The following MAD1L1 variants were observed in gnomAD, a reference collection of about 807,000 sequenced individuals.
The protein encoded by MAD1L1 is mitotic spindle assembly checkpoint protein MAD1.
Under a neutral mutation model 96.9 loss-of-function variants are expected in MAD1L1, and 95 were observed. The observed-to-expected ratio is 0.98, with a 90% confidence interval of 0.83 to 1.16. The LOEUF (loss-of-function observed/expected upper bound fraction) is 1.16, where lower values mean the gene tolerates loss of function less well. MAD1L1 is among the 50% of genes most tolerant of loss of function. The probability of loss-of-function intolerance (pLI) is 0.00; values close to 1 mark genes in which losing one functional copy is unlikely to be tolerated. For missense variants in MAD1L1, 1,007 were observed against 954.4 expected, an observed-to-expected ratio of 1.06 and a Z score of -0.73; for synonymous variants, 473 against 396.6, an observed-to-expected ratio of 1.19 and a Z score of -2.29.
chr7:1,951,309 G>A (rs1425436490), intron 16 of MAD1L1, among the ~76,000 whole-genome samples: 4 of 152,236 alleles, frequency 2.6e-5, no homozygotes. Context: ...GAAGGCAGGA[G>A]TGACCGAAGG....
At chr7:2,208,852 A>T (rs1369711124) in intron 10 of MAD1L1, among the ~76,000 whole-genome samples, 1 of 151,986 alleles carries the variant, frequency 6.6e-6, no homozygotes. Flanking sequence ...CCTCACCCGT[A>T]AGTCACTCCC....
chr7:2,100,505 C>G (rs144985883), intron 11 of MAD1L1, among the ~76,000 whole-genome samples: 105 of 152,380 alleles, frequency 6.9e-4, no homozygotes, highest in Non-Finnish European at 1.3e-3. Flanking sequence ...CCTGCCCACC[C>G]GGCGCGTCTG....
In MAD1L1 at chr7:2,216,170, TCTC is replaced by T; in HGVS notation, c.793_795del (p.Glu265del). On this transcript the variant is annotated inframe_deletion, in exon 8 of 19. Transcript: ENST00000265854. ...GCAACCCCTCACCGCAGGTGCGCGC[TCTC>T]CTCCCGCAGCTGCTTCAGCTCCCGT... The T allele has an allele frequency of 6.2e-7, 1 of 1,613,084 alleles. No homozygotes were observed. The highest frequency in any genetic ancestry group is 8.5e-7 in the Non-Finnish European group (1 of 1,179,900).
chr7:2,232,859 C>CCGGGCCGCTTACCTCAGCCGCTCG lies in MAD1L1; in HGVS notation c.-201_-190+12dup, dbSNP rs1435888667. ...CCCGGGACCCCGCCGCCCGCGCGAG[C>CCGGGCCGCTTACCTCAGCCGCTCG]CGGGCCGCTTACCTCAGCCGCTCGC... On this transcript the variant is annotated intron_variant, in intron 1 of 18. Coordinates refer to ENST00000265854, the MANE Select transcript of MAD1L1 (RefSeq NM_001013836.2). The CCGGGCCGCTTACCTCAGCCGCTCG allele has an allele frequency of 6.6e-6, 1 of 152,304 alleles. No individual in the cohort carries two copies. The highest frequency in any genetic ancestry group is 2.4e-5 in the African/African-American group (1 of 41,450). 9.4% of individuals were successfully genotyped at this position (152,304 alleles called of 1,614,324 possible).
chr7:2,195,892 C>A (rs1405387468), intron 10 of MAD1L1, among the ~76,000 whole-genome samples: 1 of 152,250 alleles, frequency 6.6e-6, no homozygotes, highest in Non-Finnish European at 1.5e-5. Flanking sequence ...GAAAAAGAAG[C>A]TATCAGCTGA....
intron 18 of MAD1L1, among the ~76,000 whole-genome samples, chr7:1,861,078 C>T (rs1045606655): frequency 1.2e-4 from 18 of 152,258 alleles, no homozygotes; most frequent in South Asian, 2.1e-4. Context: ...AGTCCCAGCA[C>T]GCAAGCCCAG....
At chr7:2,130,469 G>A (rs577037570) in intron 11 of MAD1L1, among the ~76,000 whole-genome samples, 67 of 152,210 alleles carry the variant, frequency 4.4e-4, no homozygotes, top group South Asian at 1.2e-3. Flanking sequence ...CGTCGTCTGC[G>A]GCAGGTCTGG....
In MAD1L1 at chr7:2,223,451, C is replaced by T. The variant is rs1416231506; in HGVS notation, c.292-697G>A. The T allele has an allele frequency of 5.9e-5, 9 of 152,408 alleles. 1 individual carries two copies. Among genetic ancestry groups the T allele is most frequent in the Middle Eastern group, 6.7e-3 (2 of 298 alleles). 9.4% of individuals were successfully genotyped at this position (152,408 alleles called of 1,614,324 possible). ...GTACCGGCGTCCCAGGAGGTGAAGG[C>T]GGTGAGTCCTGGTGGAGCCCGGCAC... On this transcript the variant is annotated intron_variant, in intron 4 of 18. Coordinates refer to ENST00000265854, the MANE Select transcript of MAD1L1 (RefSeq NM_001013836.2).
rs78283235 is a variant in MAD1L1, at chr7:2,120,414, C to T, written c.1073+28738G>A. On this transcript the variant is annotated intron_variant, in intron 11 of 18. Coordinates refer to ENST00000265854, the MANE Select transcript of MAD1L1 (RefSeq NM_001013836.2). ...CCTTCTGAGAAAGCCTAGGACTGGC[C>T]GCCACACCCTGGAGAGCCTGGGGGC... is the stretch of plus-strand genomic sequence containing the variant. Among the ~76,000 whole-genome samples the T allele has an allele frequency of 8.7e-4, 132 of 152,358 alleles. 2 individuals carry two copies. In the East Asian group the frequency reaches 0.014, roughly 16 times the overall value.
At chr7:1,961,442 CAATTTTTGAAA>C (rs1302402788) in intron 15 of MAD1L1, among the ~76,000 whole-genome samples, 1 of 152,134 alleles carries the variant, frequency 6.6e-6, no homozygotes, top group Non-Finnish European at 1.5e-5. Flanking sequence ...CAAACACAAC[CAATTTTTGAAA>C]AATATATGAA....
chr7:2,014,256 C>T (rs1322736819), intron 13 of MAD1L1, among the ~76,000 whole-genome samples: 6 of 152,146 alleles, frequency 3.9e-5, no homozygotes, highest in Non-Finnish European at 7.4e-5. Context: ...CTCTGTCATC[C>T]GCTTGCAGGC....
At chr7:1,986,890 GC>G (rs1348734854) in intron 14 of MAD1L1, among the ~76,000 whole-genome samples, 2 of 151,900 alleles carry the variant, frequency 1.3e-5, no homozygotes, top group African/African-American at 4.8e-5. Context: ...GCCAATGCCT[GC>G]CCCCTTGAGC....
At chr7:2,160,233 C>CAAAA (rs528993860) in intron 10 of MAD1L1, among the ~76,000 whole-genome samples, 5 of 109,402 alleles carry the variant, frequency 4.6e-5, no homozygotes, top group Non-Finnish European at 7.7e-5. Flanking sequence ...TACCCTGTCT[C>CAAAA]AAAAAAAAAA....
intron 18 of MAD1L1, among the ~76,000 whole-genome samples, chr7:1,897,880 C>G (rs1376342908): frequency 1.3e-5 from 2 of 152,250 alleles, no homozygotes; most frequent in Non-Finnish European, 2.9e-5. Context: ...TCTGGACACA[C>G]TGACACACAC....
intron 11 of MAD1L1, among the ~76,000 whole-genome samples, chr7:2,070,493 C>T (rs1467515406): frequency 1.3e-5 from 2 of 152,178 alleles, no homozygotes; most frequent in Non-Finnish European, 2.9e-5. Flanking sequence ...TACGAGAGCT[C>T]TCCCAGGAAA....
intron 11 of MAD1L1, among the ~76,000 whole-genome samples, chr7:2,094,805 C>T (rs891198008): frequency 2.6e-5 from 4 of 152,052 alleles, no homozygotes; most frequent in African/African-American, 9.7e-5. Flanking sequence ...AGAGACCAAA[C>T]ACGGCAAAAG....
chr7:2,082,476 C>T (rs903841765), intron 11 of MAD1L1, among the ~76,000 whole-genome samples: 3 of 152,218 alleles, frequency 2.0e-5, no homozygotes, highest in Non-Finnish European at 4.4e-5. Flanking sequence ...GCCGTGACTT[C>T]AGCACCATGT....
intron 17 of MAD1L1, among the ~76,000 whole-genome samples, chr7:1,920,704 CAGG>C (rs1788734329): frequency 6.6e-6 from 1 of 152,176 alleles, no homozygotes; most frequent in South Asian, 2.1e-4. Flanking sequence ...GAAGAGAGGA[CAGG>C]AGGTCTTCCC....
At position 2,090,561 on chromosome 7, in the gene MAD1L1, C is replaced by T. The variant is rs548517080; in HGVS notation, c.1074-21223G>A. Among the ~76,000 whole-genome samples the T allele has an allele frequency of 1.8e-4, 27 of 152,258 alleles. No homozygotes were observed. The South Asian group carries it at 5.6e-3, about 32-fold the overall frequency. On this transcript the variant is annotated intron_variant, in intron 11 of 18. Coordinates refer to ENST00000265854, the MANE Select transcript of MAD1L1 (RefSeq NM_001013836.2). ...TGTCCTTCAGCGTCCTTGTTCCTTC[C>T]CAGGGTTGGATCAGGGTGCCATTAG... is the stretch of plus-strand genomic sequence containing the variant.
Sources: gnomAD v4.1 joint callset for allele counts (sites outside exome capture counted in the v4.1 genomes callset) on GRCh38, gnomAD v4.1.1 for gene constraint, MANE v1.5 for transcripts, NCBI Gene and HGNC (gene_info 2026-07-23, HGNC 2026-07-21) for gene names.